ZNF501: variants seen among roughly 807,000 people sequenced by gnomAD.
ZNF501 encodes zinc finger protein 501, also known as zinc finger protein 52.
In ZNF501, 7 loss-of-function variants were observed where a neutral mutation model predicts 5.7. The ratio of observed to expected loss-of-function variants is 1.24; its 90% CI spans 0.70 to 2.32. The LOEUF (loss-of-function observed/expected upper bound fraction) is 2.32, where lower values mean the gene tolerates loss of function less well. Among genes scored for constraint, ZNF501 ranks in the 30% most tolerant of loss-of-function variants. The pLI is 0.00. For synonymous variants in ZNF501, 107 were observed against 101.9 expected (o/e 1.05, Z -0.30); for missense variants, 352 against 321.1 (o/e 1.10, Z -0.73).
rs1197096640 is a variant in ZNF501 at position 44,734,258 on chromosome 3, AG to A, written c.-162del. 3.3e-6 allele frequency: 2 copies of A among 608,148 alleles called. No homozygotes were observed. Among genetic ancestry groups the A allele is most frequent in the South Asian group, 4.7e-5 (2 of 42,322 alleles). The allele number at this position is 608,148 out of a possible 1,614,324, so 37.7% of individuals were successfully genotyped here. ...TGAGAATGCAGGCTGAACAAGGAAG[AG>A]GAAGGGGAATCCTGCAGGGATGAAT... On this transcript the variant is annotated 5_prime_UTR_variant, in exon 3 of 3. The change abolishes the stop of an existing upstream ORF in the 5' untranslated region. Coordinates refer to ENST00000620116, the MANE Select transcript of ZNF501 (RefSeq NM_001258280.2).
At position 44,735,128 on chromosome 3, in the gene ZNF501, A is replaced by C. The variant is rs369934306; in HGVS notation, c.707A>C (p.His236Pro). The change falls in exon 3 of 3, where the codon CAT (histidine) becomes CCT (proline). Residue 236 changes from histidine to proline, a missense_variant. His to Pro is a moderately conservative substitution (Grantham distance 77). Coordinates refer to ENST00000620116, the MANE Select transcript of ZNF501 (RefSeq NM_001258280.2). Reference sequence around the variant, plus strand: ...CGCAAACAAGCACACCTTAGTGAGCATTACAGAATTCATACTGGAGAAAAA... The same window carrying C: ...CGCAAACAAGCACACCTTAGTGAGCCTTACAGAATTCATACTGGAGAAAAA... ...TFRKQAHLSE[H>P]YRIHTGEKPY... 10 of 1,614,062 alleles carry C rather than the reference A, an allele frequency of 6.2e-6. No individual in the cohort carries two copies. The African/African-American group carries it at 1.2e-4, about 19-fold the overall frequency.
At position 44,734,688 on chromosome 3, in the gene ZNF501, A is replaced by C. The variant is rs746759559; in HGVS notation, c.267A>C (p.Thr89=). The C allele has an allele frequency of 1.2e-6, 2 of 1,614,182 alleles. No individual in the cohort carries two copies. The highest frequency in any genetic ancestry group is 4.5e-5 in the East Asian group (2 of 44,878). The part of the protein sequence containing the change: ...KCNECEKAFQ[T]KAILVQHLRI... ...ATGAATGTGAGAAAGCCTTTCAAAC[A>C]AAAGCAATTCTTGTTCAGCATCTGA... Residue 89 remains threonine, a synonymous_variant, in exon 3 of 3, where the codon ACA becomes ACC. Coordinates refer to ENST00000620116, the MANE Select transcript of ZNF501 (RefSeq NM_001258280.2).
intron 2 of ZNF501, among the ~76,000 whole-genome samples, chr3:44,733,646 T>TGG (rs1167992188): frequency 2.6e-5 from 4 of 152,256 alleles, no homozygotes. Flanking sequence ...TTAAACCTTC[T>TGG]TCTTTAAGGA....
chr3:44,730,282 A>G (rs1328271281), intron 1 of ZNF501, among the ~76,000 whole-genome samples: 3 of 152,224 alleles, frequency 2.0e-5, no homozygotes, highest in African/African-American at 7.2e-5. Flanking sequence ...AACTTGTTCA[A>G]AAGTCCTAGT....
chr3:44,735,164 G>A lies in ZNF501; in HGVS notation c.743G>A (p.Cys248Tyr). ...RIHTGEKPYE[C>Y]VGCGKSFRHS... ...CATACTGGAGAAAAACCTTATGAGTGTGTTGGATGTGGGAAATCCTTTAGG... is the reference window on the plus strand; with the variant it reads ...CATACTGGAGAAAAACCTTATGAGTATGTTGGATGTGGGAAATCCTTTAGG... Residue 248 changes from cysteine (C) to tyrosine (Y), a missense_variant, in exon 3 of 3, where the codon TGT becomes TAT. Transcript: ENST00000620116. 1 of 1,612,804 alleles carries A rather than the reference G, an allele frequency of 6.2e-7. No individual in the cohort carries two copies. Among genetic ancestry groups the A allele is most frequent in the Non-Finnish European group, 8.5e-7 (1 of 1,179,192 alleles).
Position 44,734,479 on chromosome 3 carries a change from A to G in ZNF501, c.58A>G (p.Lys20Glu). The G allele has an allele frequency of 3.1e-6, 5 of 1,614,190 alleles. No homozygotes were observed. The highest frequency in any genetic ancestry group is 1.6e-4 in the Middle Eastern group (1 of 6,062). Residue 20 changes from lysine (K) to glutamate (E), a missense_variant, in exon 3 of 3, where the codon AAA becomes GAA. Physicochemically the swap from Lys to Glu is moderately conservative, Grantham distance 56. Transcript: ENST00000620116. ...MKHGRVNMQK[K>E]PSKCSECGKF... ...ACATGGGAGAGTTAACATGCAGAAG[A>G]AACCTTCAAAGTGTAGTGAATGTGG...
In ZNF501 at chr3:44,735,950, G is replaced by C. The variant is rs1242825431; in HGVS notation, c.*713G>C. On this transcript the variant is annotated 3_prime_UTR_variant, in exon 3 of 3. Coordinates refer to ENST00000620116, the MANE Select transcript of ZNF501 (RefSeq NM_001258280.2). ...TAAAACCTCATGTTGTGGGACTTCTGTGTGTGTTTAGGGTTGGCAGCAGGT... is the reference window on the plus strand; with the variant it reads ...TAAAACCTCATGTTGTGGGACTTCTCTGTGTGTTTAGGGTTGGCAGCAGGT... The C allele has an allele frequency of 6.0e-6, 1 of 167,114 alleles. No individual in the cohort carries two copies. The highest frequency in any genetic ancestry group is 1.5e-5 in the Non-Finnish European group (1 of 68,136). 10.4% of individuals were successfully genotyped at this position (167,114 alleles called of 1,614,324 possible). A position where few individuals can be genotyped will look rare whatever the true frequency, so the allele number is the denominator to read the frequency against.
At chr3:44,732,367 A>T (rs1416321623) in intron 2 of ZNF501, 1 of 152,208 alleles carries the variant, frequency 6.6e-6, no homozygotes, top group Non-Finnish European at 1.5e-5. Context: ...TTTTGGAAAA[A>T]TGAGAGTAAA....
Position 44,737,006 on chromosome 3 carries a change from C to T in ZNF501, c.*1769C>T, listed in dbSNP as rs1704712675. 6.0e-6 allele frequency: 1 copy of T among 166,204 alleles called. No homozygotes were observed. Among genetic ancestry groups the T allele is most frequent in the Non-Finnish European group, 1.5e-5 (1 of 68,014 alleles). 10.3% of individuals were successfully genotyped at this position (166,204 alleles called of 1,614,324 possible). ...TAAAGAAATGGTAGCATAATATACA[C>T]AGTTGTCCATTTTTTAAAGACTAAA... is the stretch of plus-strand genomic sequence containing the variant. On this transcript the variant is annotated 3_prime_UTR_variant, in exon 3 of 3. Coordinates refer to ENST00000620116, the MANE Select transcript of ZNF501 (RefSeq NM_001258280.2).
rs1352887292 is a variant in ZNF501 at position 44,729,713 on chromosome 3, G to GGAGCGCCGCGGA, written c.-613_-612insGAGCGCCGCGGA. 5.9e-5 allele frequency: 9 copies of GGAGCGCCGCGGA among 152,512 alleles called. No homozygotes were observed. Among genetic ancestry groups the GGAGCGCCGCGGA allele is most frequent in the Non-Finnish European group, 1.2e-4 (8 of 68,330 alleles). 9.4% of individuals were successfully genotyped at this position (152,512 alleles called of 1,614,324 possible). The stretch of plus-strand genomic sequence containing the variant: ...GGGAGCGCCGCGGGGAGCGCCGCGG[G>GGAGCGCCGCGGA]AAGCGCATGGTGAGCGGTTTCTGCT... On this transcript the variant is annotated 5_prime_UTR_variant, in exon 1 of 3. Coordinates refer to ENST00000620116, the MANE Select transcript of ZNF501 (RefSeq NM_001258280.2).
chr3:44,733,730 A>T lies in ZNF501; in HGVS notation c.-225-467A>T, dbSNP rs573820061. 1.3e-4 allele frequency among the ~76,000 whole-genome samples: 20 copies of T among 152,344 alleles called. No individual in the cohort carries two copies. The South Asian group carries it at 1.4e-3, about 11-fold the overall frequency. On this transcript the variant is annotated intron_variant, in intron 2 of 2. Coordinates refer to ENST00000620116, the MANE Select transcript of ZNF501 (RefSeq NM_001258280.2). ...TCAGTAAGCAGGACTCTAGTTTTCA[A>T]ACCTATAGGTTTCCAGTTGGGCCTA...
At chr3:44,733,581 A>G (rs1394786962) in intron 2 of ZNF501, among the ~76,000 whole-genome samples, 1 of 152,204 alleles carries the variant, frequency 6.6e-6, no homozygotes, top group Non-Finnish European at 1.5e-5. Context: ...TTCTTTGGCT[A>G]CAAAGGTGAG....
Position 44,734,985 on chromosome 3 carries a change from G to T in ZNF501, c.564G>T (p.Lys188Asn), listed in dbSNP as rs1704672756. ...ATCAGAGAATTCATTCAGGAGAGAA[G>T]CCCTACACATGCACTGAATGTGGTA... ...MQHQRIHSGEKPYTCTECGKA... is the reference protein window; with the variant it reads ...MQHQRIHSGENPYTCTECGKA... Residue 188 changes from lysine (K) to asparagine (N), a missense_variant, in exon 3 of 3, where the codon AAG (lysine) becomes AAT (asparagine). Physicochemically the swap from Lys to Asn is moderately conservative, Grantham distance 94 (BLOSUM62 0). Transcript: ENST00000620116. The T allele has an allele frequency of 3.7e-6, 6 of 1,614,094 alleles. No homozygotes were observed. In the East Asian group the frequency reaches 1.3e-4, roughly 36 times the overall value.
chr3:44,734,598 C>A lies in ZNF501; in HGVS notation c.177C>A (p.Phe59Leu). 6.2e-7 allele frequency: 1 copy of A among 1,614,130 alleles called. No homozygotes were observed. The highest frequency in any genetic ancestry group is 8.5e-7 in the Non-Finnish European group (1 of 1,180,012). The change falls in exon 3 of 3, where the codon TTC becomes TTA. Residue 59 changes from phenylalanine (F) to leucine (L), a missense_variant. Coordinates refer to ENST00000620116, the MANE Select transcript of ZNF501 (RefSeq NM_001258280.2). The part of the protein sequence containing the change: ...PYVCSECGSC[F>L]RKQSNLTQHL... The stretch of plus-strand genomic sequence containing the variant: ...TGTGCAGTGAATGTGGAAGTTGTTT[C>A]CGTAAACAGTCAAATCTTACTCAAC...
intron 2 of ZNF501, chr3:44,731,966 T>C (rs1456307935): frequency 1.3e-5 from 2 of 152,196 alleles, no homozygotes; most frequent in African/African-American, 2.4e-5. Flanking sequence ...CCTCAGAGAA[T>C]ATGGAATGGG....
rs1160092557 is a variant in ZNF501 at position 44,735,643 on chromosome 3, T to TG, written c.*406_*407insG. On this transcript the variant is annotated 3_prime_UTR_variant, in exon 3 of 3. Transcript: ENST00000620116. ...ATTGTTTCTTAAGAACATTTTGTAA[T>TG]TGGGCTATGATTTTATGATCTACAG... 5.7e-6 allele frequency: 1 copy of TG among 174,620 alleles called. No homozygotes were observed. The highest frequency in any genetic ancestry group is 1.8e-4 in the East Asian group (1 of 5,442). The allele number at this position is 174,620 out of a possible 1,614,324, so 10.8% of individuals were successfully genotyped here. A position where few individuals can be genotyped will look rare whatever the true frequency, so the allele number is the denominator to read the frequency against.
rs373414601 is a variant in ZNF501, at chr3:44,734,433, C to T, written c.12C>T (p.Ser4=). The change falls in exon 3 of 3, where the codon AGC becomes AGT. Residue 4 remains serine, a synonymous_variant. Coordinates refer to ENST00000620116, the MANE Select transcript of ZNF501 (RefSeq NM_001258280.2). MNS[S]QISLRMKHGR... The stretch of plus-strand genomic sequence containing the variant: ...GTGTTACAAGCAGCATGAATTCCAG[C>T]CAAATATCACTCAGAATGAAACATG... The T allele has an allele frequency of 1.9e-5, 30 of 1,610,834 alleles. 1 individual carries two copies. The African/African-American group carries it at 2.4e-4, about 13-fold the overall frequency.
At chr3:44,731,193 A>T (rs1252029710) in intron 1 of ZNF501, among the ~76,000 whole-genome samples, 1 of 152,144 alleles carries the variant, frequency 6.6e-6, no homozygotes, top group Non-Finnish European at 1.5e-5. Flanking sequence ...GACTTAGGGG[A>T]GCCATTGGGC....
rs764603739 is a variant in ZNF501, at chr3:44,729,974, C to T, written c.-352C>T. 6.6e-6 allele frequency: 1 copy of T among 152,240 alleles called. No individual in the cohort carries two copies. The highest frequency in any genetic ancestry group is 6.5e-5 in the Admixed American group (1 of 15,288). The allele number at this position is 152,240 out of a possible 1,614,324, so 9.4% of individuals were successfully genotyped here. A position where few individuals can be genotyped will look rare whatever the true frequency, so the allele number is the denominator to read the frequency against. On this transcript the variant is annotated 5_prime_UTR_variant, in exon 1 of 3. Transcript: ENST00000620116. Reference sequence around the variant, plus strand: ...GTTTTCTGATTTCCAGAAGTAAATACTGTTTCCTGCCTTGCCGTTTCCCAA... The same window carrying T: ...GTTTTCTGATTTCCAGAAGTAAATATTGTTTCCTGCCTTGCCGTTTCCCAA...
Sources: allele counts gnomAD v4.1 joint callset (sites outside exome capture counted in the v4.1 genomes callset), GRCh38; gene constraint gnomAD v4.1.1; transcripts MANE v1.5; gene names NCBI Gene and HGNC (gene_info 2026-07-23, HGNC 2026-07-21).